The following POM121 variants were observed in gnomAD, a reference collection of about 807,000 sequenced individuals.
POM121 encodes POM121 transmembrane nucleoporin, also known as nuclear envelope pore membrane protein POM 121.
A neutral mutation model predicts 81.3 loss-of-function variants in POM121; 32 were observed. That is an observed-to-expected ratio of 0.39 (90% CI 0.30 to 0.53). The LOEUF (loss-of-function observed/expected upper bound fraction) is 0.53. Among genes scored for constraint, POM121 ranks in the 20% least tolerant of loss-of-function variants. POM121 has a pLI of 0.66. For synonymous variants in POM121, 514 were observed against 694.2 expected (o/e 0.74, Z 4.08); for missense variants, 1,138 against 1,614.6 (o/e 0.70, Z 5.06).
Position 72,946,559 on chromosome 7 carries a change from G to A in POM121, c.*325G>A, listed in dbSNP as rs1190650142. Reference sequence around the variant, plus strand: ...CCGCTTAGCACACCCTTAGGCAGGCGCCCCTTCCACCTTTCCCCGAGACCG... The same window carrying A: ...CCGCTTAGCACACCCTTAGGCAGGCACCCCTTCCACCTTTCCCCGAGACCG... On this transcript the variant is annotated 3_prime_UTR_variant, in exon 13 of 13. Transcript: ENST00000434423. The A allele has an allele frequency of 3.7e-6, 4 of 1,074,682 alleles. No homozygotes were observed. Among genetic ancestry groups the A allele is most frequent in the African/African-American group, 3.3e-5 (2 of 59,816 alleles). 66.6% of individuals were successfully genotyped at this position (1,074,682 alleles called of 1,614,324 possible). A position where few individuals can be genotyped will look rare whatever the true frequency, so the allele number is the denominator to read the frequency against.
At chr7:72,928,665 T>C (rs1443043563) in intron 4 of POM121, among the ~76,000 whole-genome samples, 200 bp downstream of exon 4, 9 of 152,380 alleles carry the variant, frequency 5.9e-5, no homozygotes, top group Non-Finnish European at 1.3e-4. Flanking sequence ...CTTGCATTAA[T>C]ATGGATGAAA....
Position 72,943,083 on chromosome 7 carries a change from T to C in POM121, c.3090T>C (p.Phe1030=). 4 of 1,613,780 alleles carry C rather than the reference T, an allele frequency of 2.5e-6. No homozygotes were observed. The highest frequency in any genetic ancestry group is 2.5e-6 in the Non-Finnish European group (3 of 1,179,844). ...AYVPTPIHPI[F]GGATHSAFGL... is the part of the protein sequence containing the mutation. ...TGCCTACGCCCATCCATCCTATCTT[T>C]GGCGGTGCCACGCACTCGGCGTTTG... The change falls in exon 11 of 13, where the codon TTT becomes TTC. Residue 1030 remains phenylalanine (F), a synonymous_variant. Transcript: ENST00000434423.
chr7:72,911,573 CTG>C (rs1793806755), intron 3 of POM121, among the ~76,000 whole-genome samples: 1 of 152,252 alleles, frequency 6.6e-6, no homozygotes. Flanking sequence ...ACCGCAGTCA[CTG>C]TGCCTTTGCG....
In POM121 at chr7:72,945,605, T is replaced by C; in HGVS notation, c.3549T>C (p.Phe1183=). 4 of 1,613,546 alleles carry C rather than the reference T, an allele frequency of 2.5e-6. No individual in the cohort carries two copies. Among genetic ancestry groups the C allele is most frequent in the Non-Finnish European group, 3.4e-6 (4 of 1,179,706 alleles). ...PVFGGTATPT[F]GLNTPAPGVG... ...TTCCAGGCACCGCCACCCCCACCTT[T>C]GGTCTGAACACCCCTGCGCCTGGAG... is the stretch of plus-strand genomic sequence containing the variant. Residue 1183 remains phenylalanine (F), a synonymous_variant, in exon 12 of 13, where the codon TTT becomes TTC. Coordinates refer to ENST00000434423, the MANE Select transcript of POM121 (RefSeq NM_001387691.1).
intron 3 of POM121, among the ~76,000 whole-genome samples, chr7:72,898,720 C>T (rs1554492101): frequency 6.7e-6 from 1 of 149,938 alleles, no homozygotes; most frequent in Non-Finnish European, 1.5e-5. Flanking sequence ...ATCACTTGAA[C>T]CTGGGAGGTA....
intron 3 of POM121, among the ~76,000 whole-genome samples, chr7:72,909,738 T>C (rs1413172713): frequency 6.6e-6 from 1 of 152,164 alleles, no homozygotes; most frequent in East Asian, 1.9e-4. Flanking sequence ...AGCTGTAACC[T>C]CCCAGACTCA....
chr7:72,945,990 C>T lies in POM121; in HGVS notation c.3653-147C>T. On this transcript the variant is annotated intron_variant, in intron 12 of 12. Coordinates refer to ENST00000434423, the MANE Select transcript of POM121 (RefSeq NM_001387691.1). The stretch of plus-strand genomic sequence containing the variant: ...GGAGTTTGCATTTCAGGAGGCTTCT[C>T]CCGTACAGTGTTTCTGATGCAGCGG... The T allele has an allele frequency of 3.5e-6, 5 of 1,442,016 alleles. No individual in the cohort carries two copies. The Admixed American group carries it at 1.1e-4, about 32-fold the overall frequency. 89.3% of individuals were successfully genotyped at this position (1,442,016 alleles called of 1,614,324 possible). A position where few individuals can be genotyped will look rare whatever the true frequency, so the allele number is the denominator to read the frequency against.
At position 72,911,128 on chromosome 7, in the gene POM121, C is replaced by T. The variant is rs1438196478; in HGVS notation, c.-215-2637C>T. Among the ~76,000 whole-genome samples, 67 of 152,228 alleles carry T rather than the reference C, an allele frequency of 4.4e-4. 1 individual carries two copies. The highest frequency in any genetic ancestry group is 4.0e-4 in the Non-Finnish European group (27 of 67,998). On this transcript the variant is annotated intron_variant, in intron 3 of 15. Coordinates refer to the POM121 transcript ENST00000395270. Reference sequence around the variant, plus strand: ...CCTCCCTAGTAGCTGGGATTACTGGCGCTCGCCACCACGCCCAGCTCATGT... The same window carrying T: ...CCTCCCTAGTAGCTGGGATTACTGGTGCTCGCCACCACGCCCAGCTCATGT...
chr7:72,893,607 A>T (rs1315666275), intron 3 of POM121, among the ~76,000 whole-genome samples: 2 of 152,126 alleles, frequency 1.3e-5, no homozygotes, highest in Non-Finnish European at 2.9e-5. Flanking sequence ...GTAACATACG[A>T]TTTACCGTCT....
intron 3 of POM121, among the ~76,000 whole-genome samples, chr7:72,904,315 T>C (rs1793018285): frequency 6.6e-6 from 1 of 152,204 alleles, no homozygotes; most frequent in South Asian, 2.1e-4. Context: ...CCACAACTTC[T>C]CCCATGCTGT....
intron 3 of POM121, among the ~76,000 whole-genome samples, chr7:72,903,682 A>G (rs1792938244): frequency 1.3e-5 from 2 of 151,730 alleles, no homozygotes; most frequent in African/African-American, 4.8e-5. Context: ...CAAAAACGAG[A>G]AAAAAAAAGA....
rs1255591278 is a variant in POM121 at position 72,946,396 on chromosome 7, T to C, written c.*162T>C. On this transcript the variant is annotated 3_prime_UTR_variant, in exon 13 of 13. Transcript: ENST00000434423. The stretch of plus-strand genomic sequence containing the variant: ...GTGGCAGCCCTGGGGCCCTTTCCCT[T>C]CTGGAGGAAGCACAAGCCTCAGGGA... 4.2e-6 allele frequency: 6 copies of C among 1,430,348 alleles called. No individual in the cohort carries two copies. The Admixed American group carries it at 1.5e-4, about 35-fold the overall frequency. The allele number at this position is 1,430,348 out of a possible 1,614,324, so 88.6% of individuals were successfully genotyped here. A position where few individuals can be genotyped will look rare whatever the true frequency, so the allele number is the denominator to read the frequency against.
intron 4 of POM121, among the ~76,000 whole-genome samples, chr7:72,919,700 T>A (rs2129577045): frequency 6.6e-6 from 1 of 152,298 alleles, no homozygotes; most frequent in African/African-American, 2.4e-5. Flanking sequence ...CGGGCTGGTC[T>A]CGAACTCTGA....
At position 72,942,948 on chromosome 7, in the gene POM121, G is replaced by C; in HGVS notation, c.2955G>C (p.Pro985=). ...GGCAGCCACCGGGGGCCGCCAAGCC[G>C]GCCCTTGCCCCCAGCTTTGGCAGCT... ...AEGQPPGAAK[P]ALAPSFGSSF... is the part of the protein sequence containing the mutation. Residue 985 remains proline, a synonymous_variant, in exon 11 of 13, where the codon CCG becomes CCC. Coordinates refer to ENST00000434423, the MANE Select transcript of POM121 (RefSeq NM_001387691.1). 1.3e-6 allele frequency: 2 copies of C among 1,593,170 alleles called. No homozygotes were observed. The highest frequency in any genetic ancestry group is 1.1e-5 in the South Asian group (1 of 89,538).
At chr7:72,934,113 C>T (rs1796282983) in intron 5 of POM121, among the ~76,000 whole-genome samples, 1 of 151,188 alleles carries the variant, frequency 6.6e-6, no homozygotes, top group African/African-American at 2.4e-5. Flanking sequence ...GAGACAGAGT[C>T]TCGCACTGTC....
At chr7:72,915,439 C>T (rs1297429932) in intron 4 of POM121, among the ~76,000 whole-genome samples, 4 of 152,046 alleles carry the variant, frequency 2.6e-5, no homozygotes, top group African/African-American at 4.8e-5. Flanking sequence ...GGCACGATCT[C>T]GGCTCCTCCT....
chr7:72,933,916 T>C (rs1435197289), intron 5 of POM121, among the ~76,000 whole-genome samples: 1 of 152,102 alleles, frequency 6.6e-6, no homozygotes, highest in African/African-American at 2.4e-5. Context: ...ATGAGAATGA[T>C]CTCAAAAAGC....
chr7:72,929,290 CA>C (rs1478876812), intron 4 of POM121, among the ~76,000 whole-genome samples: 1 of 152,154 alleles, frequency 6.6e-6, no homozygotes, highest in Non-Finnish European at 1.5e-5. Context: ...TGTTTGACTT[CA>C]AATAGGATCC....
chr7:72,943,982 G>A (rs1161619408), intron 11 of POM121, among the ~76,000 whole-genome samples: 1 of 151,838 alleles, frequency 6.6e-6, no homozygotes, highest in Admixed American at 6.6e-5. Flanking sequence ...GGAGGTTGCA[G>A]TGAGCCAAGA....
Sources: gnomAD v4.1 joint callset for allele counts (sites outside exome capture counted in the v4.1 genomes callset) on GRCh38, gnomAD v4.1.1 for gene constraint, MANE v1.5 for transcripts, NCBI Gene and HGNC (gene_info 2026-07-23, HGNC 2026-07-21) for gene names.